The following RAD51B variants were observed in gnomAD, a reference collection of about 807,000 sequenced individuals.
RAD51B encodes RAD51 paralog B.
RAD51B carries 38 observed loss-of-function variants against 42.2 expected under a neutral mutation model. The observed-to-expected ratio is 0.90, with a 90% confidence interval of 0.70 to 1.18. RAD51B has a LOEUF of 1.18. RAD51B is among the 50% of genes most tolerant of loss of function. The pLI, the probability that RAD51B is intolerant of heterozygous loss-of-function variation, is 0.00. For missense variants in RAD51B, 373 were observed against 400.7 expected (o/e 0.93, Z 0.59); for synonymous variants, 154 against 145.2 (o/e 1.06, Z -0.43).
At chr14:67,842,107 T>A (rs979625437) in intron 4 of RAD51B, among the ~76,000 whole-genome samples, 4 of 152,206 alleles carry the variant, frequency 2.6e-5, no homozygotes, top group Admixed American at 6.5e-5. Flanking sequence ...GTTCACCTCC[T>A]TGGTTAGATG....
At chr14:68,330,216 GA>G (rs2082321964) in intron 8 of RAD51B, among the ~76,000 whole-genome samples, 1 of 152,150 alleles carries the variant, frequency 6.6e-6, no homozygotes, top group South Asian at 2.1e-4. Flanking sequence ...CAATTGAAAT[GA>G]TTAAAAGCAT....
intron 7 of RAD51B, among the ~76,000 whole-genome samples, chr14:68,087,440 TTGAC>T (rs1219564635): frequency 1.3e-5 from 2 of 152,202 alleles, no homozygotes; most frequent in Non-Finnish European, 2.9e-5. Flanking sequence ...TTCATCATGA[TTGAC>T]TGGTCTATAT....
At chr14:67,966,628 A>G (rs1003848810) in intron 7 of RAD51B, among the ~76,000 whole-genome samples, 2 of 152,178 alleles carry the variant, frequency 1.3e-5, no homozygotes, top group African/African-American at 2.4e-5. Flanking sequence ...TTCTCTATGC[A>G]TTGACTTAGA....
intron 7 of RAD51B, among the ~76,000 whole-genome samples, chr14:68,270,539 C>T (rs1040065005): frequency 5.3e-5 from 8 of 152,144 alleles, no homozygotes; most frequent in Admixed American, 5.2e-4. Context: ...GTTGGTTTTT[C>T]TGGAGATAGC....
At chr14:68,656,657 A>T (rs1343048799) in intron 11 of RAD51B, among the ~76,000 whole-genome samples, 1 of 152,198 alleles carries the variant, frequency 6.6e-6, no homozygotes, top group African/African-American at 2.4e-5. Context: ...AGGCGACCGC[A>T]GGCCGGCAGT....
At chr14:67,877,344 T>C (rs1011023636) in intron 5 of RAD51B, among the ~76,000 whole-genome samples, 1 of 152,162 alleles carries the variant, frequency 6.6e-6, no homozygotes, top group Non-Finnish European at 1.5e-5. Flanking sequence ...TTGCCCAAGA[T>C]CATATGGCTA....
At chr14:68,088,062 T>G (rs960272352) in intron 7 of RAD51B, among the ~76,000 whole-genome samples, 5 of 143,006 alleles carry the variant, frequency 3.5e-5, no homozygotes, top group African/African-American at 1.3e-4. Context: ...ATAATAACTA[T>G]TATTTACTAC....
At chr14:68,388,068 G>A (rs1474805765) in intron 8 of RAD51B, among the ~76,000 whole-genome samples, 1 of 115,364 alleles carries the variant, frequency 8.7e-6, no homozygotes, top group Non-Finnish European at 1.7e-5. Flanking sequence ...GTGTGTGTGT[G>A]TGTGTGTGTG....
chr14:68,347,471 C>T (rs1469898560), intron 8 of RAD51B, among the ~76,000 whole-genome samples: 1 of 152,136 alleles, frequency 6.6e-6, no homozygotes, highest in African/African-American at 2.4e-5. Flanking sequence ...CGCTTAAGCC[C>T]AGGAGTTTGA....
chr14:68,372,492 G>T (rs1188388164), intron 8 of RAD51B, among the ~76,000 whole-genome samples: 1 of 152,128 alleles, frequency 6.6e-6, no homozygotes, highest in Non-Finnish European at 1.5e-5. Flanking sequence ...GTATTAGAAG[G>T]GATTGAGATG....
At chr14:68,171,003 G>A (rs1194340457) in intron 7 of RAD51B, among the ~76,000 whole-genome samples, 1 of 152,216 alleles carries the variant, frequency 6.6e-6, no homozygotes, top group Non-Finnish European at 1.5e-5. Context: ...AGGAGTCCCT[G>A]AAAGGGAAGG....
At chr14:68,489,332 A>C (rs1047690208) in intron 10 of RAD51B, among the ~76,000 whole-genome samples, 1 of 152,208 alleles carries the variant, frequency 6.6e-6, no homozygotes, top group Non-Finnish European at 1.5e-5. Context: ...GCCTGGGTTC[A>C]TACTGCAATC....
chr14:68,541,858 G>A (rs2525525), intron 10 of RAD51B: 220,531 of 973,140 alleles, frequency 0.23, 25,859 homozygotes, highest in South Asian at 0.32. Flanking sequence ...CTCAAAACAA[G>A]CCTCATCTCA....
At chr14:68,384,862 A>G (rs2083559341) in intron 8 of RAD51B, among the ~76,000 whole-genome samples, 2 of 152,164 alleles carry the variant, frequency 1.3e-5, no homozygotes, top group African/African-American at 2.4e-5. Flanking sequence ...CCTCCCCACC[A>G]GTATACTCCA....
At chr14:68,115,123 T>G (rs2077519371) in intron 7 of RAD51B, among the ~76,000 whole-genome samples, 1 of 138,020 alleles carries the variant, frequency 7.2e-6, no homozygotes. Flanking sequence ...TTATTCACAA[T>G]AGCAAAGACT....
At chr14:68,466,702 C>T (rs185150767) in intron 9 of RAD51B, among the ~76,000 whole-genome samples, 73 of 152,312 alleles carry the variant, frequency 4.8e-4, no homozygotes, top group Middle Eastern at 3.4e-3. Context: ...AGAATTTCTA[C>T]CTATCATTTG....
chr14:68,347,701 C>A (rs143609938), intron 8 of RAD51B, among the ~76,000 whole-genome samples: 1 of 152,222 alleles, frequency 6.6e-6, no homozygotes, highest in East Asian at 1.9e-4. Context: ...AAGAAACAGG[C>A]CCGTGAACAG....
Position 68,577,274 on chromosome 14 carries a change from A to ATGAACCT in RAD51B, c.1037-17211_1037-17210insTGAACCT, listed in dbSNP as rs1332770370. ...GCACGTTCTGAGTTCATGGACACCC[A>ATGAACCT]AGGAACTGCCCCTCCCTAGGATAAC... On this transcript the variant is annotated intron_variant, in intron 10 of 10. Coordinates refer to the RAD51B transcript ENST00000487270. Among the ~76,000 whole-genome samples, 7 of 152,152 alleles carry ATGAACCT rather than the reference A, an allele frequency of 4.6e-5. No individual in the cohort carries two copies. In the East Asian group the frequency reaches 1.3e-3, roughly 29 times the overall value.
intron 7 of RAD51B, among the ~76,000 whole-genome samples, chr14:68,165,805 A>G (rs943616230): frequency 6.6e-6 from 1 of 152,176 alleles, no homozygotes; most frequent in Non-Finnish European, 1.5e-5. Context: ...CATTGGCTTT[A>G]TACTCGAAGT....
Sources: gnomAD v4.1 joint callset for allele counts (sites outside exome capture counted in the v4.1 genomes callset) on GRCh38, gnomAD v4.1.1 for gene constraint, MANE v1.5 for transcripts, NCBI Gene and HGNC (gene_info 2026-07-23, HGNC 2026-07-21) for gene names.